CACNA1C: variants seen among roughly 807,000 people sequenced by gnomAD.
The protein encoded by CACNA1C is voltage-dependent L-type calcium channel subunit alpha-1C.
In CACNA1C, 30 loss-of-function variants were observed where a neutral mutation model predicts 229.0. The ratio of observed to expected loss-of-function variants is 0.13; its 90% CI spans 0.10 to 0.18. The LOEUF is 0.18. Among genes scored for constraint, CACNA1C ranks in the 10% least tolerant of loss-of-function variants. The probability of loss-of-function intolerance (pLI) is 1.00; values close to 1 mark genes in which losing one functional copy is unlikely to be tolerated. For missense variants in CACNA1C, 1,658 were observed against 2,845.0 expected, an observed-to-expected ratio of 0.58 and a Z score of 9.49; for synonymous variants, 1,114 against 1,132.5, an observed-to-expected ratio of 0.98 and a Z score of 0.33.
intron 3 of CACNA1C, among the ~76,000 whole-genome samples, chr12:2,257,295 C>T (rs1275319246): frequency 3.3e-5 from 5 of 152,164 alleles, no homozygotes; most frequent in African/African-American, 4.8e-5. Flanking sequence ...CCCTGGAGGA[C>T]GGGACCAGGC....
At chr12:2,227,901 T>C (rs2063495041) in intron 3 of CACNA1C, among the ~76,000 whole-genome samples, 1 of 152,226 alleles carries the variant, frequency 6.6e-6, no homozygotes, top group Non-Finnish European at 1.5e-5. Context: ...TGGTAATTAT[T>C]TTTAAACACC....
intron 5 of CACNA1C, among the ~76,000 whole-genome samples, chr12:2,483,109 C>T (rs1238771296): frequency 6.6e-6 from 1 of 152,236 alleles, no homozygotes; most frequent in East Asian, 1.9e-4. Context: ...TGTGATGAGA[C>T]TCAAGGAGCT....
At chr12:2,583,480 C>T (rs991656147) in intron 15 of CACNA1C, among the ~76,000 whole-genome samples, 2 of 152,230 alleles carry the variant, frequency 1.3e-5, no homozygotes, top group Non-Finnish European at 2.9e-5. Flanking sequence ...GGGCAGGTTT[C>T]CAGGGCACAA....
At chr12:2,061,186 C>T (rs1009912124) in intron 1 of CACNA1C, among the ~76,000 whole-genome samples, 1 of 151,112 alleles carries the variant, frequency 6.6e-6, no homozygotes, top group Admixed American at 6.6e-5. Context: ...ATTCACTTCG[C>T]AGGGCAGCTG....
At chr12:2,652,440 C>T (rs1389673435) in intron 32 of CACNA1C, among the ~76,000 whole-genome samples, 1 of 152,234 alleles carries the variant, frequency 6.6e-6, no homozygotes, top group Non-Finnish European at 1.5e-5. Flanking sequence ...GGTCACTTGA[C>T]TTCCCCCAGA....
chr12:2,667,310 C>T lies in CACNA1C; in HGVS notation c.4623+528C>T, dbSNP rs377342048. Among the ~76,000 whole-genome samples the T allele has an allele frequency of 9.9e-5, 15 of 152,028 alleles. No homozygotes were observed. The East Asian group carries it at 1.4e-3, about 14-fold the overall frequency. ...CGCTCCTTTTCTCCCTCCTCTCCAC[C>T]GTGGCCATTCCGTGCTCCTTGTTGG... On this transcript the variant is annotated intron_variant, in intron 37 of 46. Coordinates refer to ENST00000399655, the MANE Select transcript of CACNA1C (RefSeq NM_000719.7).
chr12:2,492,076 C>G (rs1441849319), intron 6 of CACNA1C, among the ~76,000 whole-genome samples: 1 of 151,616 alleles, frequency 6.6e-6, no homozygotes, highest in African/African-American at 2.4e-5. Flanking sequence ...ATTGTCATTA[C>G]TTTGTCTAAG....
intron 1 of CACNA1C, among the ~76,000 whole-genome samples, chr12:2,042,016 G>A (rs772568646): frequency 1.3e-5 from 2 of 152,268 alleles, no homozygotes; most frequent in Middle Eastern, 3.4e-3. Flanking sequence ...GCAATTTCTG[G>A]TGCTTTATAA....
rs1489982817 is a variant in CACNA1C at position 2,054,451 on chromosome 12, A to C, written c.49+840A>C. Among the ~76,000 whole-genome samples the C allele has an allele frequency of 6.6e-6, 1 of 152,074 alleles. No homozygotes were observed. The highest frequency in any genetic ancestry group is 6.5e-5 in the Admixed American group (1 of 15,282). On this transcript the variant is annotated intron_variant, in intron 1 of 46. Transcript: ENST00000399655. The surrounding 1 kb of genome is among the most constrained non-coding windows in gnomAD (Gnocchi z 5.5). The stretch of plus-strand genomic sequence containing the variant: ...GGGTGTGCCTGGCTCACGCGGCTCC[A>C]TACTATTGCCCAGTGTTTTCCGAGC...
At chr12:2,436,127 G>A (rs1030509490) in intron 3 of CACNA1C, among the ~76,000 whole-genome samples, 5 of 152,172 alleles carry the variant, frequency 3.3e-5, no homozygotes, top group African/African-American at 9.7e-5. Flanking sequence ...ATGGAGGTGG[G>A]GAAGGAAGGA....
chr12:2,607,620 A>G (rs2075925374), intron 26 of CACNA1C, among the ~76,000 whole-genome samples: 1 of 152,226 alleles, frequency 6.6e-6, no homozygotes, highest in African/African-American at 2.4e-5. Flanking sequence ...TAGGAAAGGG[A>G]TGGAAGCCCG....
At chr12:2,333,737 A>G (rs923162051) in intron 3 of CACNA1C, among the ~76,000 whole-genome samples, 1 of 152,192 alleles carries the variant, frequency 6.6e-6, no homozygotes, top group East Asian at 1.9e-4. Flanking sequence ...TGAATCACAC[A>G]AAGACACCAT....
At position 2,586,962 on chromosome 12, in the gene CACNA1C, G is replaced by A. The variant is rs533324802; in HGVS notation, c.2530+1058G>A. ...GAAACCGTTAGGGAATTTCAACGAC[G>A]TACTAGAATTATTGAACAAATGCAA... is the stretch of plus-strand genomic sequence containing the variant. On this transcript the variant is annotated intron_variant, in intron 18 of 46. Transcript: ENST00000399655. Among the ~76,000 whole-genome samples the A allele has an allele frequency of 3.0e-4, 46 of 152,336 alleles. 1 individual carries two copies. The South Asian group carries it at 8.5e-3, about 28-fold the overall frequency.
chr12:2,584,651 C>T (rs543035507), intron 16 of CACNA1C, 34 bp downstream of exon 16: 4 of 1,396,674 alleles, frequency 2.9e-6, no homozygotes, highest in Admixed American at 1.7e-5. Flanking sequence ...CCTGGGGCTC[C>T]AGGGCTCCCA....
At chr12:2,648,779 TG>T (rs1456350863) in intron 31 of CACNA1C, among the ~76,000 whole-genome samples, 5 of 152,162 alleles carry the variant, frequency 3.3e-5, no homozygotes, top group Admixed American at 6.5e-5. Flanking sequence ...TGGGAGAGAA[TG>T]GGACCCGAGG....
At chr12:2,441,703 A>G (rs531414558) in intron 3 of CACNA1C, among the ~76,000 whole-genome samples, 29 of 152,358 alleles carry the variant, frequency 1.9e-4, no homozygotes, top group African/African-American at 7.0e-4. Context: ...CCCTCTTTTC[A>G]AATCTTATGC....
At chr12:2,440,806 T>C (rs555343492) in intron 3 of CACNA1C, among the ~76,000 whole-genome samples, 1 of 152,294 alleles carries the variant, frequency 6.6e-6, no homozygotes, top group South Asian at 2.1e-4. Context: ...GGGATGGGTG[T>C]CCTGGTTTTT....
intron 8 of CACNA1C, among the ~76,000 whole-genome samples, chr12:2,507,227 T>C (rs2099773802): frequency 6.6e-6 from 1 of 152,182 alleles, no homozygotes; most frequent in East Asian, 1.9e-4. Flanking sequence ...TCCTTGCAGC[T>C]CCTGAATCAC....
At chr12:2,369,729 C>T (rs2097806446) in intron 3 of CACNA1C, among the ~76,000 whole-genome samples, 1 of 152,004 alleles carries the variant, frequency 6.6e-6, no homozygotes, top group South Asian at 2.1e-4. Context: ...TACATTTAGA[C>T]AAAGCAAATT....
Sources: gnomAD v4.1 joint callset for allele counts (sites outside exome capture counted in the v4.1 genomes callset) on GRCh38, gnomAD v4.1.1 for gene constraint, Gnocchi (gnomAD v3.1) non-coding constraint, MANE v1.5 for transcripts, NCBI Gene and HGNC (gene_info 2026-07-23, HGNC 2026-07-21) for gene names.